Variants in SORL1 observed in about 807,000 individuals in gnomAD.
The protein encoded by SORL1 is sortilin-related receptor.
Under a neutral mutation model 273.7 loss-of-function variants are expected in SORL1, and 127 were observed. The observed-to-expected ratio is 0.46, with a 90% CI of 0.40 to 0.54. The LOEUF (loss-of-function observed/expected upper bound fraction) is 0.54. SORL1 is among the 20% of genes least tolerant of loss of function. The pLI, the probability that SORL1 is intolerant of heterozygous loss-of-function variation, is 0.00. For missense variants in SORL1, 2,494 were observed against 2,846.1 expected (o/e 0.88, Z 2.81); for synonymous variants, 1,031 against 1,067.4 (o/e 0.97, Z 0.66).
chr11:121,601,055 C>T (rs1281955132), intron 32 of SORL1, among the ~76,000 whole-genome samples: 1 of 117,134 alleles, frequency 8.5e-6, no homozygotes, highest in Non-Finnish European at 1.7e-5. Context: ...CCTCCCCCCA[C>T]CCCACAACAG....
At chr11:121,566,578 C>T (rs910241738) in intron 21 of SORL1, 11 of 177,906 alleles carry the variant, frequency 6.2e-5, no homozygotes, top group Non-Finnish European at 8.3e-5. Flanking sequence ...TTGACTTCCA[C>T]ACGGTTTTGG....
At position 121,452,429 on chromosome 11, in the gene SORL1, A is replaced by G. The variant is rs1479326649; in HGVS notation, c.98A>G (p.Gln33Arg). Residue 33 changes from glutamine (Q) to arginine (R), a missense_variant, in exon 1 of 48, where the codon CAG becomes CGG. By Grantham distance (43) the Gln-to-Arg change is conservative (BLOSUM62 1). Transcript: ENST00000260197. This position sits in a 1 kb window ranked among gnomAD's most constrained non-coding sequence, Gnocchi z 5.3. ...GGAGCTCTCTGCGAAGTCTGGACGC[A>G]GAGGCTGCACGGCGGCAGCGCGCCC... ...PPGALCEVWT[Q>R]RLHGGSAPLP... 6.6e-7 allele frequency: 1 copy of G among 1,511,414 alleles called. No individual in the cohort carries two copies. Among genetic ancestry groups the G allele is most frequent in the Admixed American group, 2.1e-5 (1 of 46,908 alleles). The allele number at this position is 1,511,414 out of a possible 1,614,324, so 93.6% of individuals were successfully genotyped here. A position where few individuals can be genotyped will look rare whatever the true frequency, so the allele number is the denominator to read the frequency against.
At position 121,607,280 on chromosome 11, in the gene SORL1, A is replaced by G; in HGVS notation, c.5156A>G (p.Tyr1719Cys). 1 of 1,569,530 alleles carries G rather than the reference A, an allele frequency of 6.4e-7. No individual in the cohort carries two copies. The highest frequency in any genetic ancestry group is 8.8e-7 in the Non-Finnish European group (1 of 1,139,702). Reference sequence around the variant, plus strand: ...AAGAACTTATTGGTCAACACTCTATACACCGTCAGAGTGAGTGTCGTCATC... The same window carrying G: ...AAGAACTTATTGGTCAACACTCTATGCACCGTCAGAGTGAGTGTCGTCATC... ...EIKNLLVNTL[Y>C]TVRVAAVTSR... Residue 1719 changes from tyrosine (Y) to cysteine (C), a missense_variant, in exon 37 of 48, where the codon TAC becomes TGC. By Grantham distance (194) the Tyr-to-Cys change is radical. Around this residue, in one of 3 missense-constraint regions of SORL1, gnomAD observed 1,609 missense variants for 1,816.4 expected, o/e 0.89. Transcript: ENST00000260197.
intron 41 of SORL1, 147 bp from the exon 42 acceptor site, chr11:121,618,627 T>C (rs1863673530): frequency 1.0e-6 from 1 of 977,316 alleles, no homozygotes; most frequent in African/African-American, 1.6e-5. Flanking sequence ...GCCTTCTCTG[T>C]AAATGCTGTA....
At chr11:121,584,981 C>A (rs1189863288) in intron 26 of SORL1, among the ~76,000 whole-genome samples, 1 of 152,182 alleles carries the variant, frequency 6.6e-6, no homozygotes, top group Non-Finnish European at 1.5e-5. Context: ...ATCAAGATAC[C>A]TTAGTTGTAG....
Position 121,576,863 on chromosome 11 carries a change from G to A in SORL1, c.3461-418G>A, listed in dbSNP as rs1043259422. 7 of 1,535,512 alleles carry A rather than the reference G, an allele frequency of 4.6e-6. No homozygotes were observed. In the Admixed American group the frequency reaches 1.4e-4, roughly 30 times the overall value. ...GTGATCAGCTCATGCAGACCTCTCG[G>A]CACTCCTTTTCTCAAACCACAGGCT... On this transcript the variant is annotated intron_variant, in intron 24 of 47. Coordinates refer to ENST00000260197, the MANE Select transcript of SORL1 (RefSeq NM_003105.6).
At chr11:121,571,221 A>G (rs1019243591) in intron 23 of SORL1, among the ~76,000 whole-genome samples, 1 of 152,344 alleles carries the variant, frequency 6.6e-6, no homozygotes, top group African/African-American at 2.4e-5. Context: ...AGAGCTCTGG[A>G]GAGTGTCTGG....
Position 121,500,054 on chromosome 11 carries a change from T to G in SORL1, c.939+3005T>G, listed in dbSNP as rs562801756. On this transcript the variant is annotated intron_variant, in intron 6 of 47. Coordinates refer to ENST00000260197, the MANE Select transcript of SORL1 (RefSeq NM_003105.6). ...TTGTATTTTTTGCCCTTAAGTTGCC[T>G]TGTTTAATTTTTATTCCTTGCTTTT... Among the ~76,000 whole-genome samples, 19 of 152,360 alleles carry G rather than the reference T, an allele frequency of 1.2e-4. No homozygotes were observed. In the South Asian group the frequency reaches 3.9e-3, roughly 32 times the overall value.
At chr11:121,615,769 TGAA>T (rs1863630677) in intron 41 of SORL1, among the ~76,000 whole-genome samples, 1 of 152,074 alleles carries the variant, frequency 6.6e-6, no homozygotes, top group South Asian at 2.1e-4. Flanking sequence ...GTAAAATCAG[TGAA>T]GAAGAAGGAA....
At chr11:121,523,039 G>A in intron 11 of SORL1, 50 bp downstream of exon 11, 1 of 1,240,368 alleles carries the variant, frequency 8.1e-7, no homozygotes, top group Non-Finnish European at 1.2e-6. Flanking sequence ...TCCCATTTGT[G>A]TGAGAATGTA....
chr11:121,490,655 T>C lies in SORL1; in HGVS notation c.758+545T>C, dbSNP rs377435973. Among the ~76,000 whole-genome samples, 44 of 149,716 alleles carry C rather than the reference T, an allele frequency of 2.9e-4. No individual in the cohort carries two copies. In the East Asian group the frequency reaches 6.5e-3, roughly 22 times the overall value. Reference sequence around the variant, plus strand: ...ACTTGGGAGGCTGAGGCAAGAAAACTGCTTCAACCTGGGAGGCAGAGGTTG... The same window carrying C: ...ACTTGGGAGGCTGAGGCAAGAAAACCGCTTCAACCTGGGAGGCAGAGGTTG... On this transcript the variant is annotated intron_variant, in intron 5 of 47. Transcript: ENST00000260197.
intron 18 of SORL1, among the ~76,000 whole-genome samples, chr11:121,555,783 A>T (rs1862572158): frequency 6.6e-6 from 1 of 152,118 alleles, no homozygotes; most frequent in Admixed American, 6.5e-5. Flanking sequence ...ATTAATCCCC[A>T]TTTCTCTGCA....
At chr11:121,573,228 G>C (rs1353783537) in intron 23 of SORL1, among the ~76,000 whole-genome samples, 2 of 152,182 alleles carry the variant, frequency 1.3e-5, no homozygotes, top group African/African-American at 4.8e-5. Context: ...ATAGGCTCTG[G>C]TTCCAAACTT....
At chr11:121,460,488 C>A (rs1425754813) in intron 1 of SORL1, among the ~76,000 whole-genome samples, 3 of 151,578 alleles carry the variant, frequency 2.0e-5, no homozygotes, top group South Asian at 2.1e-4. Flanking sequence ...CTCTGCCTCC[C>A]AGGTTCAGGC....
chr11:121,623,700 C>T (rs1863755283), intron 45 of SORL1, among the ~76,000 whole-genome samples: 1 of 152,190 alleles, frequency 6.6e-6, no homozygotes, highest in South Asian at 2.1e-4. Context: ...GTTCGGCAGC[C>T]AGTCGCCATT....
At position 121,481,462 on chromosome 11, in the gene SORL1, C is replaced by T. The variant is rs112856310; in HGVS notation, c.528+3219C>T. 9.5e-4 allele frequency among the ~76,000 whole-genome samples: 111 copies of T among 116,986 alleles called. 3 individuals are homozygous for T. Among genetic ancestry groups the T allele is most frequent in the African/African-American group, 3.8e-3 (101 of 26,576 alleles). The allele number at this position is 116,986 out of a possible 152,430, so 76.7% of individuals were successfully genotyped here. ...AGATACCTATAGGCAGGCTTCATCT[C>T]CTCCTCCCCAGCTCCTCCCCTAGTG... On this transcript the variant is annotated intron_variant, in intron 3 of 47. Coordinates refer to ENST00000260197, the MANE Select transcript of SORL1 (RefSeq NM_003105.6).
intron 2 of SORL1, among the ~76,000 whole-genome samples, chr11:121,473,906 G>T (rs1861216274): frequency 6.6e-6 from 1 of 151,382 alleles, no homozygotes; most frequent in Non-Finnish European, 1.5e-5. Flanking sequence ...AAAAAAAAAA[G>T]AAAAAAAGAA....
At chr11:121,593,330 T>C (rs1480248602) in intron 31 of SORL1, among the ~76,000 whole-genome samples, 1 of 152,254 alleles carries the variant, frequency 6.6e-6, no homozygotes, top group African/African-American at 2.4e-5. Context: ...TTTTTTCATT[T>C]GTTTGCTTAG....
At chr11:121,471,259 G>A (rs1007970840) in intron 2 of SORL1, among the ~76,000 whole-genome samples, 1 of 152,246 alleles carries the variant, frequency 6.6e-6, no homozygotes, top group African/African-American at 2.4e-5. Context: ...CGTGCAGGAT[G>A]CTGGGCCCAG....
Sources: gnomAD v4.1 joint callset for allele counts (sites outside exome capture counted in the v4.1 genomes callset) on GRCh38, gnomAD v4.1.1 for gene constraint, gnomAD v4.1.1 regional missense constraint, Gnocchi (gnomAD v3.1) non-coding constraint, MANE v1.5 for transcripts, NCBI Gene and HGNC (gene_info 2026-07-23, HGNC 2026-07-21) for gene names.